The following BTBD16 variants were observed in gnomAD, a reference collection of about 807,000 sequenced individuals.
The protein encoded by BTBD16 is BTB domain containing 16.
Under a neutral mutation model 67.4 loss-of-function variants are expected in BTBD16, and 66 were observed. The observed-to-expected ratio is 0.98, with a 90% CI of 0.80 to 1.20. The LOEUF (loss-of-function observed/expected upper bound fraction) is 1.20. Ranked by LOEUF, BTBD16 falls within the 50% of genes most tolerant of loss-of-function variation. The probability of loss-of-function intolerance (pLI) is 0.00; values close to 1 mark genes in which losing one functional copy is unlikely to be tolerated. For synonymous variants in BTBD16, 242 were observed against 236.4 expected, an observed-to-expected ratio of 1.02 and a Z score of -0.22; for missense variants, 634 against 616.0, an observed-to-expected ratio of 1.03 and a Z score of -0.31.
intron 9 of BTBD16, chr10:122,303,611 AC>A (rs1204040534): frequency 8.4e-6 from 5 of 596,492 alleles, no homozygotes; most frequent in Non-Finnish European, 1.0e-5. Context: ...TCTATGGTCT[AC>A]ATACGAAAGA....
intron 10 of BTBD16, among the ~76,000 whole-genome samples, chr10:122,309,501 C>T (rs2096409838): frequency 6.6e-6 from 1 of 152,034 alleles, no homozygotes; most frequent in South Asian, 2.1e-4. Context: ...AGCGCCACCA[C>T]ACCCAGCTAA....
At chr10:122,333,684 G>T (rs10887131) in intron 13 of BTBD16, among the ~76,000 whole-genome samples, 1 of 151,896 alleles carries the variant, frequency 6.6e-6, no homozygotes, top group Non-Finnish European at 1.5e-5. Context: ...AAAAGTATGG[G>T]GAAAAACATA....
chr10:122,282,978 T>C (rs957250754), intron 3 of BTBD16, among the ~76,000 whole-genome samples: 10 of 152,108 alleles, frequency 6.6e-5, no homozygotes, highest in Non-Finnish European at 1.3e-4. Flanking sequence ...AAAGCAGCAG[T>C]TGGCAGGTCC....
intron 1 of BTBD16, among the ~76,000 whole-genome samples, chr10:122,272,356 C>T (rs2096330604): frequency 6.6e-6 from 1 of 152,076 alleles, no homozygotes; most frequent in South Asian, 2.1e-4. Flanking sequence ...TTTCTTTCCC[C>T]TCGAGACAGA....
At chr10:122,336,418 TGC>T in intron 14 of BTBD16, 74 bp from the exon 15 acceptor site, 1 of 1,335,512 alleles carries the variant, frequency 7.5e-7, no homozygotes, top group Non-Finnish European at 1.0e-6. Context: ...AGGGTCTATA[TGC>T]CAGGCTCCAG....
chr10:122,328,534 T>A (rs1018825433), intron 10 of BTBD16, among the ~76,000 whole-genome samples: 1 of 152,144 alleles, frequency 6.6e-6, no homozygotes, highest in African/African-American at 2.4e-5. Context: ...CTGGCGGGCA[T>A]CTCTGACAGA....
In BTBD16 at chr10:122,337,766, T is replaced by C. The variant is rs190265956; in HGVS notation, c.1453-251T>C. 5.3e-5 allele frequency among the ~76,000 whole-genome samples: 8 copies of C among 152,354 alleles called. No homozygotes were observed. The East Asian group carries it at 1.5e-3, about 29-fold the overall frequency. Reference sequence around the variant, plus strand: ...ATATTTGTCTTGTTCAGGGTGATGGTTACACAGGAGCATTTACTTGGTGAG... The same window carrying C: ...ATATTTGTCTTGTTCAGGGTGATGGCTACACAGGAGCATTTACTTGGTGAG... On this transcript the variant is annotated intron_variant, in intron 15 of 15. Transcript: ENST00000260723.
intron 4 of BTBD16, 60 bp downstream of exon 4, chr10:122,283,984 G>A (rs376322387): frequency 7.6e-7 from 1 of 1,316,588 alleles, no homozygotes; most frequent in Non-Finnish European, 1.1e-6. Flanking sequence ...GGCATCTTGT[G>A]GTCTTTATGG....
intron 3 of BTBD16, among the ~76,000 whole-genome samples, chr10:122,280,576 ATATTATATTG>A (rs1269384299): frequency 2.0e-5 from 3 of 148,568 alleles, no homozygotes; most frequent in Admixed American, 6.7e-5. Flanking sequence ...ATATTATATT[ATATTATATTG>A]TATTATATTA....
chr10:122,297,455 T>C (rs2096385389), intron 7 of BTBD16, among the ~76,000 whole-genome samples: 1 of 152,360 alleles, frequency 6.6e-6, no homozygotes, highest in Admixed American at 6.5e-5. Context: ...GATGGCTATG[T>C]TGGCTAAAAT....
At chr10:122,316,410 C>T (rs770609858) in intron 10 of BTBD16, among the ~76,000 whole-genome samples, 10 of 152,168 alleles carry the variant, frequency 6.6e-5, no homozygotes, top group Admixed American at 1.3e-4. Flanking sequence ...CAGTCTCATG[C>T]GTCACTGAAC....
chr10:122,299,207 G>C, intron 9 of BTBD16, 73 bp downstream of exon 9: 1 of 1,553,730 alleles, frequency 6.4e-7, no homozygotes. Flanking sequence ...TGGGGAGGGA[G>C]GTGCTCTGAT....
intron 10 of BTBD16, among the ~76,000 whole-genome samples, chr10:122,312,025 A>T (rs2096414586): frequency 2.0e-5 from 3 of 152,214 alleles, no homozygotes; most frequent in Admixed American, 2.0e-4. Flanking sequence ...ATTTATTCAG[A>T]TGTTGGTGGA....
rs1210465931 is a variant in BTBD16 at position 122,333,073 on chromosome 10, A to G, written c.1164+560A>G. ...ATGCTGGGTTCCCTGTGATGGAAGCAATTCTCCAAGAAATCAGTGATCTCC... is the reference window on the plus strand; with the variant it reads ...ATGCTGGGTTCCCTGTGATGGAAGCGATTCTCCAAGAAATCAGTGATCTCC... On this transcript the variant is annotated intron_variant, in intron 13 of 15. Transcript: ENST00000260723. 1.6e-5 allele frequency: 8 copies of G among 494,436 alleles called. No individual in the cohort carries two copies. In the Admixed American group the frequency reaches 5.1e-4, roughly 32 times the overall value. 30.6% of individuals were successfully genotyped at this position (494,436 alleles called of 1,614,324 possible). A position where few individuals can be genotyped will look rare whatever the true frequency, so the allele number is the denominator to read the frequency against.
At chr10:122,337,971 G>C (rs375276307) in intron 15 of BTBD16, 46 bp from the exon 16 acceptor site, 226 of 1,519,530 alleles carry the variant, frequency 1.5e-4, no homozygotes, top group Non-Finnish European at 5.4e-5. Flanking sequence ...GGGCAATTGT[G>C]TTCATCCTAA....
chr10:122,288,933 CT>C (rs2096368852), intron 5 of BTBD16, among the ~76,000 whole-genome samples: 1 of 152,116 alleles, frequency 6.6e-6, no homozygotes, highest in Non-Finnish European at 1.5e-5. Context: ...GGGGCCTTGG[CT>C]TTTGTGCCAA....
chr10:122,315,887 T>C (rs193203264), intron 10 of BTBD16, among the ~76,000 whole-genome samples: 248 of 152,312 alleles, frequency 1.6e-3, no homozygotes, highest in African/African-American at 5.7e-3. Context: ...TGAGTTCTAA[T>C]ATACATAAGT....
chr10:122,332,454 A>G lies in BTBD16; in HGVS notation c.1105A>G (p.Met369Val), dbSNP rs1292186385. 6.2e-6 allele frequency: 10 copies of G among 1,613,948 alleles called. No homozygotes were observed. The highest frequency in any genetic ancestry group is 1.3e-5 in the African/African-American group (1 of 74,894). The change falls in exon 13 of 16, where the codon ATG (methionine) becomes GTG (valine). Residue 369 changes from methionine to valine, a missense_variant. By Grantham distance (21) the Met-to-Val change is conservative. Transcript: ENST00000260723. ...CTTTCAGCTGGAGAATGGGGGCGAC[A>G]TGGTCCACCTGAAAGATCTTAACAC... The part of the protein sequence containing the change: ...HYHALENGGD[M>V]VHLKDLNTQA...
chr10:122,313,257 G>GTTTTTTTTTTTTTTT (rs58984425), intron 10 of BTBD16, among the ~76,000 whole-genome samples: 1 of 139,138 alleles, frequency 7.2e-6, no homozygotes. Context: ...AGTTAGTGCT[G>GTTTTTTTTTTTTTTT]TTTTTTTTTT....
Sources: gnomAD v4.1 joint callset for allele counts (sites outside exome capture counted in the v4.1 genomes callset) on GRCh38, gnomAD v4.1.1 for gene constraint, MANE v1.5 for transcripts, NCBI Gene and HGNC (gene_info 2026-07-23, HGNC 2026-07-21) for gene names.